Variants in PTCRA observed in about 807,000 individuals in gnomAD.
PTCRA encodes the protein pre T-cell antigen receptor alpha.
Under a neutral mutation model 13.4 loss-of-function variants are expected in PTCRA, and 9 were observed. The observed-to-expected ratio is 0.67, with a 90% CI of 0.41 to 1.18. The LOEUF (loss-of-function observed/expected upper bound fraction) is 1.18. Among genes scored for constraint, PTCRA ranks in the 50% most tolerant of loss-of-function variants. The pLI is 0.01. For synonymous variants in PTCRA, 153 were observed against 161.9 expected (o/e 0.94, Z 0.42); for missense variants, 353 against 359.8 (o/e 0.98, Z 0.15).
At position 42,923,128 on chromosome 6, in the gene PTCRA, C is replaced by G. The variant is rs146960695; in HGVS notation, c.160C>G (p.Pro54Ala). Residue 54 changes from proline to alanine, a missense_variant, in exon 2 of 4, where the codon CCC (proline) becomes GCC (alanine). Physicochemically the swap from Pro to Ala is conservative, Grantham distance 27. Transcript: ENST00000304672. Reference protein sequence around the residue: ...VVVCLVLDVAPPGLDSPIWFS... With the variant: ...VVVCLVLDVAAPGLDSPIWFS... ...GGTCTGCCTGGTCCTTGATGTTGCA[C>G]CCCCTGGCCTTGACAGCCCCATCTG... The G allele has an allele frequency of 6.2e-7, 1 of 1,614,218 alleles. No homozygotes were observed. The highest frequency in any genetic ancestry group is 1.1e-5 in the South Asian group (1 of 91,088).
chr6:42,916,280 C>T (rs1766874822), intron 1 of PTCRA, among the ~76,000 whole-genome samples, 153 bp downstream of exon 1: 1 of 152,106 alleles, frequency 6.6e-6, no homozygotes. Context: ...GGGAGGGGAC[C>T]TCTGGGGAGG....
intron 1 of PTCRA, among the ~76,000 whole-genome samples, chr6:42,917,587 T>C: frequency 6.7e-6 from 1 of 148,974 alleles, no homozygotes; most frequent in East Asian, 2.0e-4. Context: ...GTTTGCTCTG[T>C]TGCCCAGATT....
chr6:42,924,755 G>C (rs1449955406), intron 3 of PTCRA, among the ~76,000 whole-genome samples: 5 of 152,040 alleles, frequency 3.3e-5, no homozygotes, highest in Non-Finnish European at 7.4e-5. Context: ...GGTGGATCAC[G>C]AGGTCAGGAG....
At chr6:42,920,686 A>G in intron 1 of PTCRA, among the ~76,000 whole-genome samples, 1 of 152,102 alleles carries the variant, frequency 6.6e-6, no homozygotes, top group East Asian at 1.9e-4. Context: ...TGGCCTCCCA[A>G]AGTGCTGGGA....
intron 1 of PTCRA, among the ~76,000 whole-genome samples, chr6:42,920,255 G>C (rs1767087543): frequency 6.6e-6 from 1 of 151,334 alleles, no homozygotes; most frequent in African/African-American, 2.4e-5. Flanking sequence ...GGGAGGCGGA[G>C]CTTGCAGTGA....
At position 42,925,643 on chromosome 6, in the gene PTCRA, A is replaced by G; in HGVS notation, c.807A>G (p.Ala269=). ...APSSSLGAFF[A]GDLPPPLQAG... ...CCTCCAGTCTTGGAGCATTTTTTGC[A>G]GGTGACCTGCCTCCTCCTCTGCAGG... The change falls in exon 4 of 4, where the codon GCA becomes GCG. Residue 269 remains alanine, a synonymous_variant. Coordinates refer to ENST00000304672, the MANE Select transcript of PTCRA (RefSeq NM_138296.3). This position sits in a 1 kb window ranked among gnomAD's most constrained non-coding sequence, Gnocchi z 4.4. The G allele has an allele frequency of 6.4e-7, 1 of 1,552,280 alleles. No homozygotes were observed. Among genetic ancestry groups the G allele is most frequent in the Non-Finnish European group, 8.7e-7 (1 of 1,150,788 alleles).
chr6:42,922,963 A>G (rs1482722472), intron 1 of PTCRA, 64 bp from the exon 2 acceptor site: 2 of 1,493,610 alleles, frequency 1.3e-6, no homozygotes, highest in Non-Finnish European at 1.9e-6. Flanking sequence ...CTAGCCTACA[A>G]CACAATGCTG....
rs1370549720 is a variant in PTCRA at position 42,916,093 on chromosome 6, TCTC to T, written c.27_29del (p.Leu10del). On this transcript the variant is annotated inframe_deletion, in exon 1 of 4. Transcript: ENST00000304672. ...CCATGGCCGGTACATGGCTGCTACT[TCTC>T]CTGGCCCTTGGGTGTCCAGCCCTAC... The T allele has an allele frequency of 5.0e-6, 8 of 1,613,946 alleles. No individual in the cohort carries two copies. Among genetic ancestry groups the T allele is most frequent in the Non-Finnish European group, 6.8e-6 (8 of 1,179,902 alleles).
At chr6:42,919,339 TA>T (rs1449625585) in intron 1 of PTCRA, among the ~76,000 whole-genome samples, 1 of 152,112 alleles carries the variant, frequency 6.6e-6, no homozygotes, top group Non-Finnish European at 1.5e-5. Flanking sequence ...AAGTACCCTT[TA>T]CCCCTACATC....
rs770351672 is a variant in PTCRA at position 42,923,093 on chromosome 6, A to T, written c.125A>T (p.Gln42Leu). 1 of 1,614,260 alleles carries T rather than the reference A, an allele frequency of 6.2e-7. No homozygotes were observed. Among genetic ancestry groups the T allele is most frequent in the East Asian group, 2.2e-5 (1 of 44,886 alleles). ...PIMLLVDGKQ[Q>L]MVVVCLVLDV... ...ATGCTGCTGGTGGATGGAAAGCAGCAGATGGTGGTGGTCTGCCTGGTCCTT... is the reference window on the plus strand; with the variant it reads ...ATGCTGCTGGTGGATGGAAAGCAGCTGATGGTGGTGGTCTGCCTGGTCCTT... The change falls in exon 2 of 4, where the codon CAG becomes CTG. Residue 42 changes from glutamine (Q) to leucine (L), a missense_variant. Physicochemically the swap from Gln to Leu is moderately radical, Grantham distance 113. Transcript: ENST00000304672.
chr6:42,917,908 T>C (rs1562525718), intron 1 of PTCRA, among the ~76,000 whole-genome samples: 1 of 151,656 alleles, frequency 6.6e-6, no homozygotes, highest in Non-Finnish European at 1.5e-5. Flanking sequence ...TCCTTCAACC[T>C]AAATAAATAA....
rs1264272631 is a variant in PTCRA, at chr6:42,925,271, T to C, written c.435T>C (p.Gly145=). The change falls in exon 4 of 4, where the codon GGT becomes GGC. Residue 145 remains glycine, a synonymous_variant. Coordinates refer to ENST00000304672, the MANE Select transcript of PTCRA (RefSeq NM_138296.3). This position sits in a 1 kb window ranked among gnomAD's most constrained non-coding sequence, Gnocchi z 4.4. The part of the protein sequence containing the change: ...CPQEPLRGTP[G]GALWLGVLRL... ...GGTTCCTCCTCGCAGGGACACCGGG[T>C]GGGGCGCTGTGGCTGGGGGTCCTGC... The C allele has an allele frequency of 1.3e-6, 2 of 1,588,798 alleles. No individual in the cohort carries two copies. The highest frequency in any genetic ancestry group is 3.4e-5 in the Admixed American group (2 of 58,652).
At chr6:42,922,754 G>A (rs112577452) in intron 1 of PTCRA, among the ~76,000 whole-genome samples, 39 of 134,734 alleles carry the variant, frequency 2.9e-4, no homozygotes, top group African/African-American at 1.4e-3. Context: ...AAAAAAAAAA[G>A]AAAGAAAGAA....
Position 42,916,105 on chromosome 6 carries a change from T to G in PTCRA, c.36T>G (p.Leu12=). The change falls in exon 1 of 4, where the codon CTT becomes CTG. Residue 12 remains leucine (L), a synonymous_variant. Coordinates refer to ENST00000304672, the MANE Select transcript of PTCRA (RefSeq NM_138296.3). The part of the protein sequence containing the change: ...AGTWLLLLLA[L]GCPALPTGVG... ...CATGGCTGCTACTTCTCCTGGCCCT[T>G]GGGTGTCCAGCCCTACCCACAGGTG... 1.9e-6 allele frequency: 3 copies of G among 1,614,046 alleles called. No homozygotes were observed. The highest frequency in any genetic ancestry group is 2.5e-6 in the Non-Finnish European group (3 of 1,179,946).
rs1361109419 is a variant in PTCRA at position 42,925,832 on chromosome 6, C to T, written c.*150C>T. The T allele has an allele frequency of 1.0e-5, 5 of 488,734 alleles. No individual in the cohort carries two copies. Among genetic ancestry groups the T allele is most frequent in the Non-Finnish European group, 1.4e-5 (4 of 281,418 alleles). The allele number at this position is 488,734 out of a possible 1,614,324, so 30.3% of individuals were successfully genotyped here. On this transcript the variant is annotated 3_prime_UTR_variant, in exon 4 of 4. Transcript: ENST00000304672. The surrounding 1 kb of genome is among the most constrained non-coding windows in gnomAD (Gnocchi z 4.4). The stretch of plus-strand genomic sequence containing the variant: ...ACATTAAAAAAGAACTTAAATGACA[C>T]AGCAAATGAAAAATATTTGAATTCA...
At chr6:42,916,761 C>T (rs973722725) in intron 1 of PTCRA, among the ~76,000 whole-genome samples, 8 of 152,110 alleles carry the variant, frequency 5.3e-5, no homozygotes, top group Admixed American at 2.0e-4. Flanking sequence ...TGTGCATGTA[C>T]GTGGTGGGGG....
chr6:42,917,073 A>G (rs1401997528), intron 1 of PTCRA, among the ~76,000 whole-genome samples: 1 of 151,976 alleles, frequency 6.6e-6, no homozygotes, highest in Non-Finnish European at 1.5e-5. Context: ...TTTGTTTGCA[A>G]TGCCTTATTA....
In PTCRA at chr6:42,925,576, C is replaced by T; in HGVS notation, c.740C>T (p.Pro247Leu). The T allele has an allele frequency of 1.2e-6, 2 of 1,601,842 alleles. No homozygotes were observed. The highest frequency in any genetic ancestry group is 1.3e-5 in the African/African-American group (1 of 74,928). ...TACCTCAGCAGTTACCCCACTTGCC[C>T]AGCACAGGCCTGGTGCTCAAGATCT... ...GSYLSSYPTC[P>L]AQAWCSRSAL... Residue 247 changes from proline to leucine, a missense_variant, in exon 4 of 4, where the codon CCA (proline) becomes CTA (leucine). Transcript: ENST00000304672. The surrounding 1 kb of genome is among the most constrained non-coding windows in gnomAD (Gnocchi z 4.4).
chr6:42,925,247 G>T lies in PTCRA; in HGVS notation c.425-14G>T, dbSNP rs769244842. ...GCGGGCTCCTGCGGGCTCCTGAGCG[G>T]TTCCTCCTCGCAGGGACACCGGGTG... On this transcript the variant is annotated splice_polypyrimidine_tract_variant and intron_variant, in intron 3 of 3. Transcript: ENST00000304672. The surrounding 1 kb of genome is among the most constrained non-coding windows in gnomAD (Gnocchi z 4.4). 4 of 1,580,628 alleles carry T rather than the reference G, an allele frequency of 2.5e-6. No homozygotes were observed. The South Asian group carries it at 4.5e-5, about 18-fold the overall frequency.
Sources: allele counts gnomAD v4.1 joint callset (sites outside exome capture counted in the v4.1 genomes callset), GRCh38; gene constraint gnomAD v4.1.1; non-coding constraint Gnocchi (gnomAD v3.1); transcripts MANE v1.5; gene names NCBI Gene and HGNC (gene_info 2026-07-23, HGNC 2026-07-21).